The following GNAQ variants were observed in gnomAD, a reference collection of about 807,000 sequenced individuals.
GNAQ encodes the protein G protein subunit alpha q.
GNAQ carries 8 observed loss-of-function variants against 43.9 expected under a neutral mutation model. The ratio of observed to expected loss-of-function variants is 0.18; its 90% CI spans 0.11 to 0.33. The LOEUF (loss-of-function observed/expected upper bound fraction) is 0.33. Ranked by LOEUF, GNAQ falls within the 10% of genes least tolerant of loss-of-function variation. The pLI is 1.00. For synonymous variants in GNAQ, 155 were observed against 170.7 expected, an observed-to-expected ratio of 0.91 and a Z score of 0.71; for missense variants, 158 against 450.8, an observed-to-expected ratio of 0.35 and a Z score of 5.88.
At position 77,770,278 on chromosome 9, in the gene GNAQ, A is replaced by C. The variant is rs190145677; in HGVS notation, c.735+24185T>G. Among the ~76,000 whole-genome samples, 217 of 152,342 alleles carry C rather than the reference A, an allele frequency of 1.4e-3. 3 individuals carry two copies. Among genetic ancestry groups the C allele is most frequent in the African/African-American group, 5.0e-3 (208 of 41,588 alleles). On this transcript the variant is annotated intron_variant, in intron 5 of 6. Coordinates refer to ENST00000286548, the MANE Select transcript of GNAQ (RefSeq NM_002072.5). ...AACATGTAATGATGAACATTTATTC[A>C]GTCTGATAATCAACAGAAATTGTAT...
At chr9:77,763,045 C>T (rs1379305214) in intron 5 of GNAQ, among the ~76,000 whole-genome samples, 37 of 151,302 alleles carry the variant, frequency 2.4e-4, no homozygotes, top group Non-Finnish European at 1.2e-4. Context: ...CACTATTGTC[C>T]TATGACCCTG....
chr9:77,733,300 C>A (rs1825524353), intron 5 of GNAQ, among the ~76,000 whole-genome samples: 1 of 152,192 alleles, frequency 6.6e-6, no homozygotes, highest in African/African-American at 2.4e-5. Context: ...TTCTCAAGAT[C>A]TCCGATATCC....
chr9:77,943,528 T>A (rs966993632), intron 1 of GNAQ, among the ~76,000 whole-genome samples: 3 of 152,094 alleles, frequency 2.0e-5, no homozygotes, highest in Non-Finnish European at 4.4e-5. Context: ...CTCAAAAGTG[T>A]CTTCTCTTTC....
chr9:77,834,338 A>C (rs1156630439), intron 2 of GNAQ, among the ~76,000 whole-genome samples: 1 of 152,186 alleles, frequency 6.6e-6, no homozygotes, highest in Non-Finnish European at 1.5e-5. Flanking sequence ...TGAACTGTTA[A>C]ATGAAGTAGC....
chr9:77,761,532 G>A (rs1426400143), intron 5 of GNAQ, among the ~76,000 whole-genome samples: 204 of 132,378 alleles, frequency 1.5e-3, no homozygotes, highest in Non-Finnish European at 2.0e-3. Context: ...CAGCCGCCCC[G>A]TCCGGGAGGG....
intron 2 of GNAQ, among the ~76,000 whole-genome samples, chr9:77,919,372 A>G (rs1828962245): frequency 6.6e-6 from 1 of 152,212 alleles, no homozygotes; most frequent in Non-Finnish European, 1.5e-5. Context: ...AATAAGATCA[A>G]CATCCAAGTC....
chr9:77,785,715 T>C (rs943550523), intron 5 of GNAQ, among the ~76,000 whole-genome samples: 1 of 152,202 alleles, frequency 6.6e-6, no homozygotes, highest in Non-Finnish European at 1.5e-5. Flanking sequence ...TAACTGATCA[T>C]GCAGACAATA....
intron 3 of GNAQ, among the ~76,000 whole-genome samples, chr9:77,798,965 C>A (rs1257590777): frequency 6.6e-6 from 1 of 152,180 alleles, no homozygotes; most frequent in African/African-American, 2.4e-5. Context: ...CTATCACTAC[C>A]TGTGTTATCC....
At chr9:77,754,706 A>C (rs755052850) in intron 5 of GNAQ, among the ~76,000 whole-genome samples, 4 of 152,228 alleles carry the variant, frequency 2.6e-5, no homozygotes, top group Non-Finnish European at 4.4e-5. Context: ...AAGTACATCA[A>C]CTTAAGAGAC....
intron 2 of GNAQ, among the ~76,000 whole-genome samples, chr9:77,899,518 A>C (rs1828561178): frequency 6.6e-6 from 1 of 151,764 alleles, no homozygotes; most frequent in Non-Finnish European, 1.5e-5. Flanking sequence ...ACACTTAATG[A>C]GAGACACAGG....
intron 2 of GNAQ, among the ~76,000 whole-genome samples, chr9:77,843,130 T>C (rs1469613989): frequency 2.0e-5 from 3 of 152,228 alleles, no homozygotes; most frequent in Non-Finnish European, 2.9e-5. Flanking sequence ...AAAAGTTAGA[T>C]ATCACTATCT....
chr9:77,817,165 C>T (rs1467158907), intron 2 of GNAQ, among the ~76,000 whole-genome samples: 1 of 152,192 alleles, frequency 6.6e-6, no homozygotes, highest in Non-Finnish European at 1.5e-5. Context: ...GTGGGGCCCA[C>T]CTCAATCATC....
intron 2 of GNAQ, among the ~76,000 whole-genome samples, chr9:77,853,109 C>A (rs1382802863): frequency 1.3e-5 from 2 of 152,190 alleles, no homozygotes; most frequent in Non-Finnish European, 1.5e-5. Context: ...ACCAACCAAA[C>A]TATGATAACG....
chr9:78,028,281 T>C (rs1049686141), intron 1 of GNAQ, among the ~76,000 whole-genome samples: 13 of 152,124 alleles, frequency 8.5e-5, no homozygotes, highest in Non-Finnish European at 1.8e-4. Context: ...TAGTGGTAGA[T>C]TTCAGGGTTC....
intron 1 of GNAQ, among the ~76,000 whole-genome samples, chr9:77,990,045 T>C (rs1823489073): frequency 6.6e-6 from 1 of 152,254 alleles, no homozygotes; most frequent in South Asian, 2.1e-4. Flanking sequence ...CTACTCTGGT[T>C]TGGCAGTTAT....
intron 5 of GNAQ, among the ~76,000 whole-genome samples, chr9:77,782,748 T>C (rs1826414256): frequency 6.6e-6 from 1 of 152,238 alleles, no homozygotes. Flanking sequence ...GCAACCAAGA[T>C]GTCCTTCAGC....
intron 2 of GNAQ, among the ~76,000 whole-genome samples, chr9:77,916,194 A>G (rs535457929): frequency 6.6e-6 from 1 of 152,294 alleles, no homozygotes; most frequent in East Asian, 1.9e-4. Flanking sequence ...TTTCTGCTTA[A>G]GTTAGCCAGT....
intron 5 of GNAQ, among the ~76,000 whole-genome samples, chr9:77,785,208 C>A (rs976676836): frequency 4.6e-5 from 7 of 152,000 alleles, no homozygotes; most frequent in African/African-American, 1.7e-4. Flanking sequence ...TTAGAAGACA[C>A]AGAAGAGGAG....
intron 1 of GNAQ, among the ~76,000 whole-genome samples, chr9:77,979,428 C>T (rs1186816512): frequency 6.6e-6 from 1 of 151,862 alleles, no homozygotes; most frequent in Non-Finnish European, 1.5e-5. Flanking sequence ...ATCTACCTGT[C>T]ATGGCCAATA....
Sources: gnomAD v4.1 joint callset for allele counts (sites outside exome capture counted in the v4.1 genomes callset) on GRCh38, gnomAD v4.1.1 for gene constraint, MANE v1.5 for transcripts, NCBI Gene and HGNC (gene_info 2026-07-23, HGNC 2026-07-21) for gene names.